The following SIL1 variants were observed in gnomAD, a reference collection of about 807,000 sequenced individuals.
SIL1 encodes nucleotide exchange factor SIL1.
SIL1 carries 40 observed loss-of-function variants against 49.1 expected under a neutral mutation model. That is an observed-to-expected ratio of 0.81 (90% CI 0.63 to 1.06). The LOEUF is 1.06. Among genes scored for constraint, SIL1 ranks in the 50% least tolerant of loss-of-function variants. The pLI is 0.00. For missense variants in SIL1, 500 were observed against 572.6 expected, an observed-to-expected ratio of 0.87 and a Z score of 1.29; for synonymous variants, 253 against 250.8, an observed-to-expected ratio of 1.01 and a Z score of -0.08.
chr5:139,120,961 GC>G (rs1750616017), intron 3 of SIL1, 73 bp downstream of exon 3: 5 of 1,581,784 alleles, frequency 3.2e-6, no homozygotes, highest in Non-Finnish European at 4.3e-6. Context: ...TGAAGGAGCA[GC>G]CCTCTGGGGA....
chr5:139,035,455 T>C lies in SIL1; in HGVS notation c.453+7165A>G, dbSNP rs375858885. 2.8e-4 allele frequency: 150 copies of C among 539,504 alleles called. 6 individuals carry two copies. The highest frequency in any genetic ancestry group is 2.6e-3 in the East Asian group (54 of 20,876). The allele number at this position is 539,504 out of a possible 1,614,324, so 33.4% of individuals were successfully genotyped here. ...TCAATCAGGGCCTGTCTGTTCTGAA[T>C]GGCCAGTTTCACTGTAATCCTCAGA... On this transcript the variant is annotated intron_variant, in intron 5 of 9. Transcript: ENST00000394817.
chr5:138,964,424 T>G (rs1767090846), intron 7 of SIL1, among the ~76,000 whole-genome samples: 1 of 152,194 alleles, frequency 6.6e-6, no homozygotes, highest in South Asian at 2.1e-4. Flanking sequence ...AGGAATGACC[T>G]TGACAAGATC....
rs1265419166 is a variant in SIL1 at position 138,948,205 on chromosome 5, A to G, written c.1030-732T>C. Among the ~76,000 whole-genome samples, 1 of 152,154 alleles carries G rather than the reference A, an allele frequency of 6.6e-6. No homozygotes were observed. The highest frequency in any genetic ancestry group is 1.5e-5 in the Non-Finnish European group (1 of 68,020). On this transcript the variant is annotated intron_variant, in intron 9 of 9. Transcript: ENST00000394817. The surrounding 1 kb of genome is among the most constrained non-coding windows in gnomAD (Gnocchi z 4.8). ...GGAGAAGAGGAGGCCACAGTGGACC[A>G]CCTGTGCTTCCTGCGGCAGCAGGAA... is the stretch of plus-strand genomic sequence containing the variant.
intron 6 of SIL1, among the ~76,000 whole-genome samples, chr5:139,024,990 G>T (rs1428165007): frequency 6.6e-6 from 1 of 152,116 alleles, no homozygotes; most frequent in East Asian, 1.9e-4. Flanking sequence ...CCTTCTCAAT[G>T]CTGCCAGTTC....
chr5:138,947,211 A>G lies in SIL1; in HGVS notation c.1292T>C (p.Val431Ala), dbSNP rs2150374485. ...ATCCTGCAGCTCCAGGCTGGCCAGC[A>G]CCTGGTACTCAGCCTGCAGGCTGGC... ...TLASLQAEYQVLASLELQDGE... is the reference protein window; with the variant it reads ...TLASLQAEYQALASLELQDGE... The change falls in exon 10 of 10, where the codon GTG (valine) becomes GCG (alanine). Residue 431 changes from valine (V) to alanine (A), a missense_variant. Val to Ala is a moderately conservative substitution (Grantham distance 64, BLOSUM62 0). Coordinates refer to ENST00000394817, the MANE Select transcript of SIL1 (RefSeq NM_022464.5). The surrounding 1 kb of genome is among the most constrained non-coding windows in gnomAD (Gnocchi z 4.1). The G allele has an allele frequency of 6.2e-7, 1 of 1,613,238 alleles. No homozygotes were observed. Among genetic ancestry groups the G allele is most frequent in the South Asian group, 1.1e-5 (1 of 91,062 alleles).
intron 3 of SIL1, among the ~76,000 whole-genome samples, chr5:139,074,181 G>A (rs1042018180): frequency 6.6e-5 from 10 of 152,066 alleles, no homozygotes; most frequent in African/African-American, 1.9e-4. Context: ...CCCAGCCTCC[G>A]GAGTAGCTGG....
chr5:138,950,459 G>T (rs1413673474), intron 9 of SIL1, among the ~76,000 whole-genome samples: 2 of 152,164 alleles, frequency 1.3e-5, no homozygotes, highest in Non-Finnish European at 2.9e-5. Flanking sequence ...GGGAGTGAGG[G>T]GCCCAGCCTC....
At chr5:139,188,490 T>A (rs893833984) in intron 1 of SIL1, among the ~76,000 whole-genome samples, 2 of 152,208 alleles carry the variant, frequency 1.3e-5, no homozygotes, top group Admixed American at 6.5e-5. Flanking sequence ...GTGCTTGGAT[T>A]TTTTTAAAAA....
rs538454804 is a variant in SIL1, at chr5:139,131,340, T to G, written c.-10-3487A>C. On this transcript the variant is annotated intron_variant, in intron 1 of 9. Coordinates refer to ENST00000394817, the MANE Select transcript of SIL1 (RefSeq NM_022464.5). Reference sequence around the variant, plus strand: ...TCCTCCCTGCTTCACCTTAACAAATTGGACCTGTGGCATGATTGCAGTGGG... The same window carrying G: ...TCCTCCCTGCTTCACCTTAACAAATGGGACCTGTGGCATGATTGCAGTGGG... Among the ~76,000 whole-genome samples, 45 of 152,254 alleles carry G rather than the reference T, an allele frequency of 3.0e-4. 1 individual carries two copies. In the East Asian group the frequency reaches 8.5e-3, roughly 29 times the overall value.
chr5:139,169,885 C>CCTCTCT (rs538818707), intron 1 of SIL1, among the ~76,000 whole-genome samples: 2 of 151,104 alleles, frequency 1.3e-5, no homozygotes, highest in African/African-American at 2.4e-5. Flanking sequence ...TCTCCCTCTC[C>CCTCTCT]CTCTCTCTCC....
intron 5 of SIL1, among the ~76,000 whole-genome samples, chr5:139,036,656 C>T (rs4643949): frequency 0.42 from 63,469 of 151,866 alleles, 14,065 homozygotes; most frequent in African/African-American, 0.58. Flanking sequence ...TGATAACACA[C>T]GGATACTTAG....
At chr5:139,111,974 G>A (rs962464315) in intron 3 of SIL1, among the ~76,000 whole-genome samples, 5 of 152,196 alleles carry the variant, frequency 3.3e-5, no homozygotes, top group Admixed American at 6.5e-5. Context: ...CCTGCCGAGC[G>A]CCTGCGATTG....
chr5:139,058,863 A>G (rs2150462845), intron 3 of SIL1, among the ~76,000 whole-genome samples: 1 of 151,278 alleles, frequency 6.6e-6, no homozygotes, highest in East Asian at 1.9e-4. Context: ...TCTTTTTTCA[A>G]TTGGAGAACA....
intron 1 of SIL1, among the ~76,000 whole-genome samples, chr5:139,186,587 C>G (rs1581159537): frequency 6.6e-6 from 1 of 152,154 alleles, no homozygotes; most frequent in African/African-American, 2.4e-5. Context: ...CACATAAGCA[C>G]TCCGGTTTGA....
At chr5:139,058,145 T>C (rs528936820) in intron 3 of SIL1, among the ~76,000 whole-genome samples, 1 of 152,330 alleles carries the variant, frequency 6.6e-6, no homozygotes, top group South Asian at 2.1e-4. Flanking sequence ...AACATTGTGC[T>C]AAGTGAAAGC....
chr5:139,160,068 A>G (rs1458783065), intron 1 of SIL1, among the ~76,000 whole-genome samples: 1 of 151,960 alleles, frequency 6.6e-6, no homozygotes, highest in Non-Finnish European at 1.5e-5. Context: ...CATGACACAG[A>G]TTCACAAATG....
At chr5:139,147,277 C>T (rs982356258) in intron 1 of SIL1, among the ~76,000 whole-genome samples, 3 of 152,152 alleles carry the variant, frequency 2.0e-5, no homozygotes, top group Admixed American at 1.3e-4. Context: ...CTCAGTTTGT[C>T]TGCAGATCTG....
At chr5:138,987,028 A>G (rs919297618) in intron 7 of SIL1, among the ~76,000 whole-genome samples, 1 of 151,930 alleles carries the variant, frequency 6.6e-6, no homozygotes, top group Non-Finnish European at 1.5e-5. Flanking sequence ...GGGAGGGGAA[A>G]AAAAATTGGG....
chr5:139,147,455 T>C (rs1039690180), intron 1 of SIL1, among the ~76,000 whole-genome samples: 2 of 152,212 alleles, frequency 1.3e-5, no homozygotes, highest in Non-Finnish European at 2.9e-5. Context: ...TCAAACTCAG[T>C]GTTCCTCTCA....
Sources: allele counts gnomAD v4.1 joint callset (sites outside exome capture counted in the v4.1 genomes callset), GRCh38; gene constraint gnomAD v4.1.1; non-coding constraint Gnocchi (gnomAD v3.1); transcripts MANE v1.5; gene names NCBI Gene and HGNC (gene_info 2026-07-23, HGNC 2026-07-21).